ZNF718: variants seen among roughly 807,000 people sequenced by gnomAD.
The protein encoded by ZNF718 is zinc finger protein 718.
In ZNF718, 3 loss-of-function variants were observed where a neutral mutation model predicts 2.6. The observed-to-expected ratio is 1.16, with a 90% CI of 0.53 to 3.01. The LOEUF (loss-of-function observed/expected upper bound fraction) is 3.01. ZNF718 is among the 30% of genes most tolerant of loss of function. ZNF718 has a pLI of 0.03. For synonymous variants in ZNF718, 135 were observed against 77.9 expected (o/e 1.73, Z -3.86); for missense variants, 468 against 230.0 (o/e 2.03, Z -6.69).
At chr4:196,313 T>C (rs1247507188) in intron 3 of ZNF718, among the ~76,000 whole-genome samples, 2 of 152,152 alleles carry the variant, frequency 1.3e-5, no homozygotes, top group Non-Finnish European at 2.9e-5. Flanking sequence ...CCCACATAAC[T>C]GCCCATGTCA....
At chr4:169,688 GT>G (rs1211016994) in intron 3 of ZNF718, among the ~76,000 whole-genome samples, 4 of 151,588 alleles carry the variant, frequency 2.6e-5, no homozygotes, top group Non-Finnish European at 4.4e-5. Context: ...GCCTTTTTTT[GT>G]TTTCCATTTG....
Position 189,714 on chromosome 4 carries a change from A to C in ZNF718, c.227-11367A>C, listed in dbSNP as rs188308036. 2.0e-4 allele frequency among the ~76,000 whole-genome samples: 30 copies of C among 152,284 alleles called. No homozygotes were observed. In the East Asian group the frequency reaches 4.2e-3, roughly 22 times the overall value. On this transcript the variant is annotated intron_variant and NMD_transcript_variant, in intron 3 of 4. Coordinates refer to the ZNF718 transcript ENST00000642529. ...GTTCCATTTTTTGAACTTACACATA[A>C]AGTCTGCAATTATCCACCAGTAAGT...
At chr4:153,650 A>G (rs1716437073) in intron 3 of ZNF718, among the ~76,000 whole-genome samples, 1 of 152,064 alleles carries the variant, frequency 6.6e-6, no homozygotes, top group South Asian at 2.1e-4. Context: ...TTTTTTATTG[A>G]GGATGCAGAA....
chr4:142,293 G>C (rs1406437622), intron 3 of ZNF718, among the ~76,000 whole-genome samples: 1 of 152,168 alleles, frequency 6.6e-6, no homozygotes, highest in Non-Finnish European at 1.5e-5. Context: ...AACATTAAAA[G>C]TAGAAAAGGG....
At position 160,933 on chromosome 4, in the gene ZNF718, A is replaced by C. The variant is rs1553814780; in HGVS notation, c.248A>C (p.Gln83Pro). ...RPPAVCSHFT[Q>P]NLWTVQGIED... is the part of the protein sequence containing the mutation. ...TCAGCTGTGTGTTCTCATTTCACCC[A>C]AAACCTTTGGACAGTGCAGGGCATA... Residue 83 changes from glutamine (Q) to proline (P), a missense_variant, in exon 4 of 4, where the codon CAA becomes CCA. Physicochemically the swap from Gln to Pro is moderately conservative, Grantham distance 76. Transcript: ENST00000510175. 1 of 762,640 alleles carries C rather than the reference A, an allele frequency of 1.3e-6. No individual in the cohort carries two copies. Among genetic ancestry groups the C allele is most frequent in the South Asian group, 1.4e-5 (1 of 71,536 alleles). The allele number at this position is 762,640 out of a possible 1,614,324, so 47.2% of individuals were successfully genotyped here. A position where few individuals can be genotyped will look rare whatever the true frequency, so the allele number is the denominator to read the frequency against.
chr4:143,347 C>G (rs1332191161), intron 3 of ZNF718, among the ~76,000 whole-genome samples: 6 of 152,152 alleles, frequency 3.9e-5, no homozygotes, highest in Non-Finnish European at 8.8e-5. Flanking sequence ...ACCACCACGC[C>G]TGGCTAATTT....
At chr4:172,928 C>G (rs1717269307) in intron 3 of ZNF718, among the ~76,000 whole-genome samples, 1 of 151,924 alleles carries the variant, frequency 6.6e-6, no homozygotes, top group South Asian at 2.1e-4. Context: ...ACCTGTAGTC[C>G]CAGCTACTCA....
chr4:126,924 T>A (rs1427808279), intron 1 of ZNF718, among the ~76,000 whole-genome samples: 1 of 151,988 alleles, frequency 6.6e-6, no homozygotes, highest in Non-Finnish European at 1.5e-5. Context: ...CCTCCCAGGT[T>A]CAAGCGATTC....
intron 1 of ZNF718, among the ~76,000 whole-genome samples, chr4:125,459 T>C (rs1553807837): frequency 6.6e-6 from 1 of 152,186 alleles, no homozygotes; most frequent in Admixed American, 6.5e-5. Flanking sequence ...GCGCTGACTC[T>C]GGGTGGTGTC....
At chr4:149,370 T>C (rs1447588932) in intron 3 of ZNF718, among the ~76,000 whole-genome samples, 1 of 152,210 alleles carries the variant, frequency 6.6e-6, no homozygotes, top group Non-Finnish European at 1.5e-5. Flanking sequence ...TTAAAAACTG[T>C]AGTTATTTAA....
At chr4:172,774 T>TG (rs1717265412) in intron 3 of ZNF718, among the ~76,000 whole-genome samples, 1 of 151,712 alleles carries the variant, frequency 6.6e-6, no homozygotes, top group Non-Finnish European at 1.5e-5. Context: ...ACATGATACA[T>TG]GCCAGGTGTG....
At chr4:138,516 T>G (rs1006062112) in intron 3 of ZNF718, among the ~76,000 whole-genome samples, 11 of 152,228 alleles carry the variant, frequency 7.2e-5, no homozygotes, top group African/African-American at 2.4e-5. Flanking sequence ...CCACATTTAC[T>G]TTGTCCATTC....
chr4:161,028 T>C lies in ZNF718; in HGVS notation c.343T>C (p.Cys115Arg). Reference protein sequence around the residue: ...KRGHENLRKTCKSINECKVQK... With the variant: ...KRGHENLRKTRKSINECKVQK... ...TGGACATGAGAATTTAAGAAAAACT[T>C]GTAAAAGTATAAATGAGTGTAAGGT... Residue 115 changes from cysteine (C) to arginine (R), a missense_variant, in exon 4 of 4, where the codon TGT becomes CGT. Cys to Arg is a radical substitution (Grantham distance 180). Transcript: ENST00000510175. The C allele has an allele frequency of 1.3e-6, 1 of 780,706 alleles. No homozygotes were observed. The highest frequency in any genetic ancestry group is 2.4e-6 in the Non-Finnish European group (1 of 417,924). 48.4% of individuals were successfully genotyped at this position (780,706 alleles called of 1,614,324 possible).
intron 3 of ZNF718, among the ~76,000 whole-genome samples, chr4:187,351 C>T (rs573165665): frequency 6.6e-5 from 10 of 152,166 alleles, no homozygotes; most frequent in African/African-American, 2.2e-4. Context: ...CTCAGCCTCC[C>T]GAGTAGCTGG....
At chr4:138,045 C>T (rs1348606213) in intron 3 of ZNF718, among the ~76,000 whole-genome samples, 1 of 152,158 alleles carries the variant, frequency 6.6e-6, no homozygotes, top group Non-Finnish European at 1.5e-5. Context: ...CTATGGGTTA[C>T]ATGAGATATT....
chr4:151,476 T>C (rs987624680), intron 3 of ZNF718, among the ~76,000 whole-genome samples: 1 of 151,492 alleles, frequency 6.6e-6, no homozygotes, highest in Admixed American at 6.6e-5. Context: ...TTTTGTTTTG[T>C]TTTGTTTTGT....
At chr4:189,056 A>ATTTTTT (rs200846758) in intron 3 of ZNF718, among the ~76,000 whole-genome samples, 3 of 139,042 alleles carry the variant, frequency 2.2e-5, no homozygotes, top group Admixed American at 7.2e-5. Flanking sequence ...GAATCTGTAG[A>ATTTTTT]TTATTTTTTT....
At chr4:125,519 T>C (rs2108777020) in intron 1 of ZNF718, among the ~76,000 whole-genome samples, 1 of 152,218 alleles carries the variant, frequency 6.6e-6, no homozygotes, top group Non-Finnish European at 1.5e-5. Context: ...TGACTGGTGT[T>C]GAGGAAACTC....
chr4:196,636 C>G (rs1050428113), intron 3 of ZNF718, among the ~76,000 whole-genome samples: 19 of 152,224 alleles, frequency 1.2e-4, no homozygotes, highest in Admixed American at 2.6e-4. Context: ...GCACCGTGAT[C>G]TCAACCAGCT....
Sources: allele counts gnomAD v4.1 joint callset (sites outside exome capture counted in the v4.1 genomes callset), GRCh38; gene constraint gnomAD v4.1.1; transcripts MANE v1.5; gene names NCBI Gene and HGNC (gene_info 2026-07-23, HGNC 2026-07-21).